Variants in HTR4 observed in about 807,000 individuals in gnomAD.
HTR4 encodes 5-hydroxytryptamine (serotonin) receptor 4, G protein-coupled.
Under a neutral mutation model 36.8 loss-of-function variants are expected in HTR4, and 16 were observed. The ratio of observed to expected loss-of-function variants is 0.43; its 90% CI spans 0.29 to 0.66. The LOEUF (loss-of-function observed/expected upper bound fraction) is 0.66, where lower values mean the gene tolerates loss of function less well. HTR4 is among the 30% of genes least tolerant of loss of function. The probability of loss-of-function intolerance (pLI) is 0.13; values close to 1 mark genes in which losing one functional copy is unlikely to be tolerated. For synonymous variants in HTR4, 189 were observed against 185.1 expected, an observed-to-expected ratio of 1.02 and a Z score of -0.17; for missense variants, 438 against 490.9, an observed-to-expected ratio of 0.89 and a Z score of 1.02.
chr5:148,484,758 ATCTGAACATAGC>A (rs1351099205), intron 6 of HTR4, among the ~76,000 whole-genome samples: 2 of 152,222 alleles, frequency 1.3e-5, no homozygotes, highest in South Asian at 2.1e-4. Context: ...TCTGGGTTAG[ATCTGAACATAGC>A]TCTGAACATA....
At chr5:148,505,504 T>A (rs1757150439) in intron 6 of HTR4, among the ~76,000 whole-genome samples, 1 of 152,128 alleles carries the variant, frequency 6.6e-6, no homozygotes, top group African/African-American at 2.4e-5. Flanking sequence ...TTCAACATAG[T>A]GTTGGAAGTT....
rs146383728 is a variant in HTR4, at chr5:148,581,529, G to T, written c.27-31267C>A. Among the ~76,000 whole-genome samples, 834 of 152,122 alleles carry T rather than the reference G, an allele frequency of 5.5e-3. 10 individuals are homozygous for T. Among genetic ancestry groups the T allele is most frequent in the African/African-American group, 0.019 (781 of 41,548 alleles). The stretch of plus-strand genomic sequence containing the variant: ...CAGTTAATTTTTGTGTATGATGAAT[G>T]ACACAATTTTATTACTTTGGATGTG... On this transcript the variant is annotated intron_variant, in intron 2 of 6. Coordinates refer to ENST00000377888, the MANE Select transcript of HTR4 (RefSeq NM_000870.7).
chr5:148,604,366 T>TA (rs960789668), intron 2 of HTR4, among the ~76,000 whole-genome samples: 6 of 150,908 alleles, frequency 4.0e-5, no homozygotes, highest in South Asian at 2.1e-4. Flanking sequence ...AAAATCTTCA[T>TA]AAAAAAAAAG....
rs954784476 is a variant in HTR4, at chr5:148,516,312, C to CTTTTTTT, written c.508-6295_508-6289dup. ...CAGTATTTCCATTCAATTCCCCCCT[C>CTTTTTTT]TTTTTTTTTTTTTTTTTTTTTTTTT... On this transcript the variant is annotated intron_variant, in intron 5 of 6. Coordinates refer to ENST00000377888, the MANE Select transcript of HTR4 (RefSeq NM_000870.7). Among the ~76,000 whole-genome samples the CTTTTTTT allele has an allele frequency of 2.2e-3, 165 of 76,466 alleles. 1 individual carries two copies. The highest frequency in any genetic ancestry group is 2.4e-3 in the Non-Finnish European group (99 of 41,350). The allele number at this position is 76,466 out of a possible 152,430, so 50.2% of individuals were successfully genotyped here. A position where few individuals can be genotyped will look rare whatever the true frequency, so the allele number is the denominator to read the frequency against.
intron 5 of HTR4, among the ~76,000 whole-genome samples, chr5:148,512,892 C>G (rs796539553): frequency 2.2e-4 from 33 of 152,228 alleles, no homozygotes; most frequent in African/African-American, 7.7e-4. Flanking sequence ...GATCACGCCA[C>G]TGCACTCCAG....
At chr5:148,508,186 G>A (rs113572287) in intron 6 of HTR4, among the ~76,000 whole-genome samples, 2,405 of 151,934 alleles carry the variant, frequency 0.016, 34 homozygotes, top group Middle Eastern at 0.048. Context: ...ATTTTCAGCC[G>A]CCAGAACAGC....
chr5:148,516,561 G>T (rs1480854838), intron 5 of HTR4, among the ~76,000 whole-genome samples: 1 of 151,382 alleles, frequency 6.6e-6, no homozygotes, highest in African/African-American at 2.4e-5. Context: ...CTCATGATCT[G>T]CCCGCCTTGG....
chr5:148,462,161 AAATT>A (rs1302464369), intron 5 of HTR4, among the ~76,000 whole-genome samples: 1 of 152,036 alleles, frequency 6.6e-6, no homozygotes, highest in African/African-American at 2.4e-5. Context: ...GAAATAATAA[AAATT>A]AAGGGAGAAT....
intron 6 of HTR4, among the ~76,000 whole-genome samples, chr5:148,499,320 T>G (rs2113750470): frequency 6.6e-6 from 1 of 152,182 alleles, no homozygotes; most frequent in Non-Finnish European, 1.5e-5. Flanking sequence ...ATTAATAAAA[T>G]GGAAGGAGGT....
intron 5 of HTR4, among the ~76,000 whole-genome samples, chr5:148,453,997 G>A (rs945801057): frequency 6.6e-6 from 1 of 152,136 alleles, no homozygotes; most frequent in Admixed American, 6.5e-5. Flanking sequence ...TCTGCAAAAG[G>A]TTTAGCCTTC....
intron 1 of HTR4, among the ~76,000 whole-genome samples, chr5:148,640,415 C>T (rs1318999813): frequency 1.3e-5 from 2 of 152,142 alleles, no homozygotes; most frequent in Admixed American, 6.5e-5. Context: ...CCAGGGAAAG[C>T]CAGTCCTAGA....
intron 4 of HTR4, among the ~76,000 whole-genome samples, chr5:148,542,718 G>T (rs965777403): frequency 1.3e-5 from 2 of 152,134 alleles, no homozygotes; most frequent in Non-Finnish European, 2.9e-5. Flanking sequence ...GGATAAAAAT[G>T]GTTAAAAGTC....
intron 5 of HTR4, among the ~76,000 whole-genome samples, chr5:148,511,126 C>T (rs1757479069): frequency 6.6e-6 from 1 of 150,444 alleles, no homozygotes. Flanking sequence ...TTAAATGAGC[C>T]ATCTACACCT....
At chr5:148,530,099 A>T (rs1252713247) in intron 4 of HTR4, among the ~76,000 whole-genome samples, 1 of 152,230 alleles carries the variant, frequency 6.6e-6, no homozygotes, top group Non-Finnish European at 1.5e-5. Flanking sequence ...TAGTTTTATA[A>T]GGAAAGCAGA....
chr5:148,484,113 T>A (rs2113720994), intron 6 of HTR4: 1 of 751,990 alleles, frequency 1.3e-6, no homozygotes, highest in Non-Finnish European at 2.1e-6. Flanking sequence ...TAGCACCCAC[T>A]CAAACTAGAC....
At chr5:148,559,179 T>C (rs1760083499) in intron 2 of HTR4, among the ~76,000 whole-genome samples, 1 of 152,154 alleles carries the variant, frequency 6.6e-6, no homozygotes. Flanking sequence ...ATACAGCATA[T>C]TGCTATCCTG....
At chr5:148,641,504 G>A (rs755294602) in intron 1 of HTR4, among the ~76,000 whole-genome samples, 7 of 152,148 alleles carry the variant, frequency 4.6e-5, no homozygotes, top group Non-Finnish European at 7.3e-5. Context: ...ACCAATGTGA[G>A]GTACAAATGC....
intron 2 of HTR4, among the ~76,000 whole-genome samples, chr5:148,569,502 G>A (rs746960939): frequency 7.3e-5 from 11 of 151,666 alleles, no homozygotes; most frequent in Non-Finnish European, 1.3e-4. Flanking sequence ...ATGTATCCTG[G>A]AACTTAAAAT....
Position 148,509,899 on chromosome 5 carries a change from G to C in HTR4, c.633C>G (p.Ala211=), listed in dbSNP as rs149959354. ...TAGCTGTGACATAGATGCGGTAATA[G>C]GCCAGCACCATGAGGAGAAATGGGA... is the stretch of plus-strand genomic sequence containing the variant. ...FYIPFLLMVL[A]YYRIYVTAKE... The change falls in exon 6 of 7, where the codon GCC becomes GCG. Residue 211 remains alanine, a synonymous_variant. Transcript: ENST00000377888. The C allele has an allele frequency of 9.3e-6, 15 of 1,613,886 alleles. No homozygotes were observed. Among genetic ancestry groups the C allele is most frequent in the Non-Finnish European group, 1.3e-5 (15 of 1,179,994 alleles).
Sources: allele counts gnomAD v4.1 joint callset (sites outside exome capture counted in the v4.1 genomes callset), GRCh38; gene constraint gnomAD v4.1.1; transcripts MANE v1.5; gene names NCBI Gene and HGNC (gene_info 2026-07-23, HGNC 2026-07-21).